The following ADAM7 variants were observed in gnomAD, a reference collection of about 807,000 sequenced individuals.
The protein encoded by ADAM7 is ADAM metallopeptidase domain 7, also known as disintegrin and metalloproteinase domain-containing protein 7.
In ADAM7, 97 loss-of-function variants were observed where a neutral mutation model predicts 102.9. That is an observed-to-expected ratio of 0.94 (90% confidence interval 0.80 to 1.12). The LOEUF (loss-of-function observed/expected upper bound fraction) is 1.12. Ranked by LOEUF, ADAM7 falls within the 50% of genes most tolerant of loss-of-function variation. ADAM7 has a pLI of 0.00. For synonymous variants in ADAM7, 334 were observed against 304.4 expected (o/e 1.10, Z -1.01); for missense variants, 991 against 908.7 (o/e 1.09, Z -1.16).
At chr8:24,463,359 T>C (rs929213383) in intron 3 of ADAM7, among the ~76,000 whole-genome samples, 2 of 152,108 alleles carry the variant, frequency 1.3e-5, no homozygotes, top group East Asian at 1.9e-4. Context: ...ACTATAGATA[T>C]AGAGACCACT....
rs771647999 is a variant in ADAM7, at chr8:24,500,250, G to A, written c.1996G>A (p.Val666Ile). The A allele has an allele frequency of 2.9e-5, 46 of 1,606,260 alleles. No homozygotes were observed. Among genetic ancestry groups the A allele is most frequent in the Non-Finnish European group, 3.4e-5 (40 of 1,173,844 alleles). The change falls in exon 18 of 22, where the codon GTT becomes ATT. Residue 666 changes from valine to isoleucine, a missense_variant. Coordinates refer to ENST00000175238, the MANE Select transcript of ADAM7 (RefSeq NM_003817.4). ...TGTAGCCTGTGAAGAAACCTTACAT[G>A]TTACCAGTGAGCATCCTAAAACAAA... Reference protein sequence around the residue: ...APVACEETLHVTNITILVVVL... With the variant: ...APVACEETLHITNITILVVVL...
chr8:24,490,523 A>C (rs1260508683), intron 12 of ADAM7: 1 of 315,010 alleles, frequency 3.2e-6, no homozygotes, highest in Non-Finnish European at 5.9e-6. Flanking sequence ...GGAAATGGAG[A>C]TAATTAGGAT....
At chr8:24,504,460 G>A (rs1256651802) in intron 20 of ADAM7, among the ~76,000 whole-genome samples, 1 of 151,740 alleles carries the variant, frequency 6.6e-6, no homozygotes, top group East Asian at 1.9e-4. Context: ...AAAAATAGCT[G>A]ATGAAGAAAG....
At chr8:24,498,943 G>C (rs974644815) in intron 16 of ADAM7, among the ~76,000 whole-genome samples, 1 of 151,940 alleles carries the variant, frequency 6.6e-6, no homozygotes, top group Non-Finnish European at 1.5e-5. Context: ...GATTAACGCT[G>C]AAGTAATTAC....
At chr8:24,445,060 A>G (rs1179895562) in intron 2 of ADAM7, among the ~76,000 whole-genome samples, 1 of 152,200 alleles carries the variant, frequency 6.6e-6, no homozygotes, top group African/African-American at 2.4e-5. Context: ...CCTATTAACA[A>G]TATTGACAAT....
intron 4 of ADAM7, 64 bp downstream of exon 4, chr8:24,464,024 AC>A: frequency 7.0e-7 from 1 of 1,428,330 alleles, no homozygotes; most frequent in Non-Finnish European, 9.8e-7. Context: ...TGATTTTGAA[AC>A]CCTGTTCTAG....
At position 24,500,249 on chromosome 8, in the gene ADAM7, T is replaced by C. The variant is rs1208316714; in HGVS notation, c.1995T>C (p.His665=). ...QAPVACEETL[H]VTNITILVVV... ...CTGTAGCCTGTGAAGAAACCTTACA[T>C]GTTACCAGTGAGCATCCTAAAACAA... The change falls in exon 18 of 22, where the codon CAT becomes CAC. Residue 665 remains histidine (H), a synonymous_variant. Coordinates refer to ENST00000175238, the MANE Select transcript of ADAM7 (RefSeq NM_003817.4). 6 of 1,606,562 alleles carry C rather than the reference T, an allele frequency of 3.7e-6. No homozygotes were observed. The highest frequency in any genetic ancestry group is 5.1e-6 in the Non-Finnish European group (6 of 1,174,046).
intron 3 of ADAM7, among the ~76,000 whole-genome samples, chr8:24,449,476 C>A (rs527575338): frequency 6.6e-6 from 1 of 152,162 alleles, no homozygotes; most frequent in South Asian, 2.1e-4. Context: ...TGTTCATGGC[C>A]TTAGCCCACT....
Position 24,482,184 on chromosome 8 carries a change from G to A in ADAM7, c.748G>A (p.Glu250Lys), listed in dbSNP as rs1819974955. 1 of 1,598,530 alleles carries A rather than the reference G, an allele frequency of 6.3e-7. No homozygotes were observed. Among genetic ancestry groups the A allele is most frequent in the Non-Finnish European group, 8.5e-7 (1 of 1,175,582 alleles). Residue 250 changes from glutamate (E) to lysine (K), a missense_variant, in exon 9 of 22, where the codon GAA becomes AAA. Glu to Lys is a moderately conservative substitution (Grantham distance 56). Coordinates refer to ENST00000175238, the MANE Select transcript of ADAM7 (RefSeq NM_003817.4). The stretch of plus-strand genomic sequence containing the variant: ...CATCCATGTGACGTTGGTTGGCATT[G>A]AAATATGGACACATGAAGATAAAAT... ...LNIHVTLVGI[E>K]IWTHEDKIEL... is the part of the protein sequence containing the mutation.
At chr8:24,451,523 A>G (rs1371178194) in intron 3 of ADAM7, among the ~76,000 whole-genome samples, 1 of 152,070 alleles carries the variant, frequency 6.6e-6, no homozygotes, top group Admixed American at 6.5e-5. Context: ...TATTGCGTCT[A>G]TTTGATTCTT....
intron 20 of ADAM7, among the ~76,000 whole-genome samples, chr8:24,505,561 C>A (rs1475520954): frequency 2.0e-5 from 3 of 152,102 alleles, no homozygotes; most frequent in Non-Finnish European, 4.4e-5. Flanking sequence ...CAGTCCTCAG[C>A]AAACCTGGGG....
chr8:24,476,403 T>C (rs754624973), intron 7 of ADAM7, 30 bp from the exon 8 acceptor site: 2 of 1,482,460 alleles, frequency 1.3e-6, no homozygotes, highest in South Asian at 1.3e-5. Context: ...CTATTATTAA[T>C]GAATATTAAT....
At chr8:24,496,979 G>C (rs1820579751) in intron 16 of ADAM7, among the ~76,000 whole-genome samples, 1 of 152,188 alleles carries the variant, frequency 6.6e-6, no homozygotes, top group African/African-American at 2.4e-5. Flanking sequence ...TGGTTTGGCT[G>C]TGTCTCCACC....
chr8:24,498,563 A>ATATG (rs1442201748), intron 16 of ADAM7, among the ~76,000 whole-genome samples: 1 of 151,246 alleles, frequency 6.6e-6, no homozygotes, highest in Admixed American at 6.6e-5. Context: ...ATATATATAT[A>ATATG]TCACTTATTC....
At chr8:24,469,797 A>T (rs1411625177) in intron 7 of ADAM7, among the ~76,000 whole-genome samples, 2 of 152,186 alleles carry the variant, frequency 1.3e-5, no homozygotes, top group African/African-American at 4.8e-5. Context: ...ACCTGTTTTA[A>T]CATTTATAAA....
intron 6 of ADAM7, 170 bp downstream of exon 6, chr8:24,467,158 T>C: frequency 3.1e-6 from 2 of 636,156 alleles, no homozygotes; most frequent in Non-Finnish European, 5.4e-6. Flanking sequence ...GTAAAAAGTG[T>C]TTATTTCATA....
chr8:24,509,370 A>AC lies in ADAM7; in HGVS notation c.*827dup. 2.0e-6 allele frequency: 2 copies of AC among 985,294 alleles called. No homozygotes were observed. Among genetic ancestry groups the AC allele is most frequent in the Non-Finnish European group, 2.4e-6 (2 of 829,902 alleles). The allele number at this position is 985,294 out of a possible 1,614,324, so 61.0% of individuals were successfully genotyped here. ...TCCGTTTGTTATGGGATGGGGGATTACCCTGGGAATGATTTCAGCTGCTTC... is the reference window on the plus strand; with the variant it reads ...TCCGTTTGTTATGGGATGGGGGATTACCCCTGGGAATGATTTCAGCTGCTTC... On this transcript the variant is annotated 3_prime_UTR_variant, in exon 22 of 22. Coordinates refer to ENST00000175238, the MANE Select transcript of ADAM7 (RefSeq NM_003817.4).
At chr8:24,447,362 T>G (rs1017589954) in intron 3 of ADAM7, 100 bp downstream of exon 3, 19 of 519,528 alleles carry the variant, frequency 3.7e-5, no homozygotes, top group African/African-American at 3.6e-4. Context: ...CAATTTTTAT[T>G]TGCACGTAAT....
chr8:24,464,580 TC>T (rs1267722728), intron 4 of ADAM7, among the ~76,000 whole-genome samples: 1 of 152,188 alleles, frequency 6.6e-6, no homozygotes, highest in Non-Finnish European at 1.5e-5. Flanking sequence ...AAGTATTTCC[TC>T]CATTTAAAGC....
Sources: allele counts gnomAD v4.1 joint callset (sites outside exome capture counted in the v4.1 genomes callset), GRCh38; gene constraint gnomAD v4.1.1; transcripts MANE v1.5; gene names NCBI Gene and HGNC (gene_info 2026-07-23, HGNC 2026-07-21).